Variants in ALG1L2 observed in about 807,000 individuals in gnomAD.
The protein encoded by ALG1L2 is ALG1 chitobiosyldiphosphodolichol beta-mannosyltransferase like 2, also known as putative glycosyltransferase ALG1L2.
In ALG1L2, 32 loss-of-function variants were observed where a neutral mutation model predicts 29.0. The observed-to-expected ratio is 1.10, with a 90% CI of 0.83 to 1.48. The LOEUF (loss-of-function observed/expected upper bound fraction) is 1.48. ALG1L2 is among the 40% of genes most tolerant of loss of function. ALG1L2 has a pLI of 0.00. For synonymous variants in ALG1L2, 110 were observed against 109.5 expected (o/e 1.00, Z -0.03); for missense variants, 318 against 274.1 (o/e 1.16, Z -1.13).
chr3:130,096,082 C>G lies in ALG1L2; in HGVS notation c.458C>G (p.Ser153Cys). The G allele has an allele frequency of 6.5e-7, 1 of 1,547,196 alleles. No homozygotes were observed. The highest frequency in any genetic ancestry group is 1.1e-5 in the South Asian group (1 of 89,476). The change falls in exon 6 of 8, where the codon TCC becomes TGC. Residue 153 changes from serine to cysteine, a missense_variant. Coordinates refer to ENST00000425059, the MANE Select transcript of ALG1L2 (RefSeq NM_001136152.1). ...GACCTGGATGTCTGTCTGGACACGT[C>G]CTCCAGTGGCCTGGACCTGCCCATG... ...SVDLDVCLDT[S>C]SSGLDLPMKV...
chr3:130,092,092 C>T lies in ALG1L2; in HGVS notation c.132-9C>T. On this transcript the variant is annotated splice_polypyrimidine_tract_variant and intron_variant, in intron 2 of 7. Transcript: ENST00000425059. ...TGGCCTCTCACAGGGTTTTTTTCTG[C>T]TCCTTCAGCTCAGAACCTGAGGACC... 2 of 1,613,272 alleles carry T rather than the reference C, an allele frequency of 1.2e-6. No individual in the cohort carries two copies. Among genetic ancestry groups the T allele is most frequent in the Non-Finnish European group, 1.7e-6 (2 of 1,179,744 alleles).
At chr3:130,096,646 G>A (rs1225502308) in intron 6 of ALG1L2, among the ~76,000 whole-genome samples, 6 of 152,252 alleles carry the variant, frequency 3.9e-5, no homozygotes, top group East Asian at 3.9e-4. Flanking sequence ...CAGCATAGAC[G>A]GGTGTTTGGA....
intron 3 of ALG1L2, among the ~76,000 whole-genome samples, chr3:130,092,734 T>TA (rs756089672): frequency 3.3e-5 from 5 of 152,152 alleles, no homozygotes; most frequent in Non-Finnish European, 2.9e-5. Flanking sequence ...ACTGTTTATT[T>TA]AAAAATTTTT....
At chr3:130,093,255 C>T (rs1935059287) in intron 4 of ALG1L2, 95 bp downstream of exon 4, 1 of 1,419,076 alleles carries the variant, frequency 7.0e-7, no homozygotes, top group Non-Finnish European at 9.9e-7. Flanking sequence ...GATCTTGTCT[C>T]CTTAATCCTC....
chr3:130,090,338 G>C (rs1240060518), intron 1 of ALG1L2, among the ~76,000 whole-genome samples: 1 of 152,306 alleles, frequency 6.6e-6, no homozygotes, highest in Non-Finnish European at 1.5e-5. Flanking sequence ...CTGGGCGACA[G>C]AGGGAGACCC....
At chr3:130,093,935 C>G in intron 4 of ALG1L2, 1 of 213,138 alleles carries the variant, frequency 4.7e-6, no homozygotes, top group Non-Finnish European at 9.6e-6. Flanking sequence ...GGAACCCGCG[C>G]CATGTGCTCT....
In ALG1L2 at chr3:130,092,200, G is replaced by C. The variant is rs779570446; in HGVS notation, c.231G>C (p.Leu77=). ...GTCTCCACGAGCGGCCAGCCCTGCT[G>C]GTCAGCAGCACAAGCTGGACAGGTC... ...VTRLHERPAL[L]VSSTSWTEFE... The change falls in exon 3 of 8, where the codon CTG becomes CTC. Residue 77 remains leucine (L), a synonymous_variant. Coordinates refer to ENST00000425059, the MANE Select transcript of ALG1L2 (RefSeq NM_001136152.1). The C allele has an allele frequency of 1.7e-5, 28 of 1,611,384 alleles. No homozygotes were observed. Among genetic ancestry groups the C allele is most frequent in the Non-Finnish European group, 2.2e-5 (26 of 1,179,372 alleles).
At chr3:130,089,154 G>T (rs1359747819) in intron 1 of ALG1L2, among the ~76,000 whole-genome samples, 2 of 152,292 alleles carry the variant, frequency 1.3e-5, no homozygotes, top group Admixed American at 1.3e-4. Context: ...AAGGCAAGAG[G>T]ACACTAATCT....
chr3:130,097,327 T>C, intron 7 of ALG1L2, 77 bp downstream of exon 7: 1 of 1,571,634 alleles, frequency 6.4e-7, no homozygotes, highest in East Asian at 2.3e-5. Flanking sequence ...TGATCCCTGT[T>C]TCACACAGCC....
At chr3:130,098,098 C>T in intron 7 of ALG1L2, 125 bp from the exon 8 acceptor site, 2 of 1,340,290 alleles carry the variant, frequency 1.5e-6, no homozygotes, top group South Asian at 2.5e-5. Flanking sequence ...TGTGAAGGGT[C>T]TCAAGTCCAA....
At chr3:130,082,112 A>T (rs2108111984) in intron 1 of ALG1L2, 76 bp downstream of exon 1, 1 of 1,459,044 alleles carries the variant, frequency 6.9e-7, no homozygotes, top group African/African-American at 1.4e-5. Flanking sequence ...TAGACTGGAG[A>T]GACCCTTGAA....
chr3:130,081,981 C>A lies in ALG1L2; in HGVS notation c.-36C>A, dbSNP rs566772296. Reference sequence around the variant, plus strand: ...ACAGAGGCTGGAGAAATAAGCAGTTCCTTGCTAAGAAGTCTGAATTTTAAC... The same window carrying A: ...ACAGAGGCTGGAGAAATAAGCAGTTACTTGCTAAGAAGTCTGAATTTTAAC... On this transcript the variant is annotated 5_prime_UTR_variant, in exon 1 of 8. Coordinates refer to ENST00000425059, the MANE Select transcript of ALG1L2 (RefSeq NM_001136152.1). 2.4e-4 allele frequency: 346 copies of A among 1,455,494 alleles called. 1 individual carries two copies. In the African/African-American group the frequency reaches 3.3e-3, roughly 14 times the overall value. 90.2% of individuals were successfully genotyped at this position (1,455,494 alleles called of 1,614,324 possible).
chr3:130,096,493 C>T (rs565582232), intron 6 of ALG1L2, among the ~76,000 whole-genome samples: 1 of 151,730 alleles, frequency 6.6e-6, no homozygotes, highest in Non-Finnish European at 1.5e-5. Flanking sequence ...GGCTTTTGCT[C>T]CTAGAGTAGA....
At chr3:130,095,933 T>G in intron 5 of ALG1L2, 116 bp from the exon 6 acceptor site, 1 of 1,111,750 alleles carries the variant, frequency 9.0e-7, no homozygotes, top group Non-Finnish European at 1.3e-6. Flanking sequence ...GTTGGGGATG[T>G]CGGGGGCCTT....
chr3:130,087,244 T>C (rs1934911343), intron 1 of ALG1L2, among the ~76,000 whole-genome samples: 1 of 150,718 alleles, frequency 6.6e-6, no homozygotes, highest in Admixed American at 6.7e-5. Context: ...ATTGCTGTGA[T>C]AGTCCCACCC....
chr3:130,090,806 G>C (rs1269781301), intron 1 of ALG1L2: 1 of 171,056 alleles, frequency 5.8e-6, no homozygotes, highest in Admixed American at 5.5e-5. Context: ...ATTCCAGAAG[G>C]TTCCAGAAGG....
chr3:130,086,291 C>T (rs1241994053), intron 1 of ALG1L2, among the ~76,000 whole-genome samples: 13 of 150,598 alleles, frequency 8.6e-5, no homozygotes, highest in African/African-American at 2.7e-4. Flanking sequence ...AGATAAACAA[C>T]GGGAGTTACC....
intron 1 of ALG1L2, among the ~76,000 whole-genome samples, chr3:130,084,723 G>A (rs201793386): frequency 8.1e-6 from 1 of 124,076 alleles, no homozygotes; most frequent in Non-Finnish European, 1.9e-5. Context: ...GAGATGAAGG[G>A]ATTGTCAGGG....
chr3:130,096,031 A>G lies in ALG1L2; in HGVS notation c.425-18A>G, dbSNP rs1232666870. ...GGGCAGAGACCAGCGCTCTGGCCAC[A>G]CCCCTCTTGCCTAGCAGGGTCGGTG... is the stretch of plus-strand genomic sequence containing the variant. On this transcript the variant is annotated intron_variant, in intron 5 of 7. Coordinates refer to ENST00000425059, the MANE Select transcript of ALG1L2 (RefSeq NM_001136152.1). 3.1e-6 allele frequency: 5 copies of G among 1,602,402 alleles called. No individual in the cohort carries two copies. The Admixed American group carries it at 5.1e-5, about 16-fold the overall frequency.
Sources: gnomAD v4.1 joint callset for allele counts (sites outside exome capture counted in the v4.1 genomes callset) on GRCh38, gnomAD v4.1.1 for gene constraint, MANE v1.5 for transcripts, NCBI Gene and HGNC (gene_info 2026-07-23, HGNC 2026-07-21) for gene names.